TRAK1: variants seen among roughly 807,000 people sequenced by gnomAD.
TRAK1 encodes trafficking kinesin protein 1.
Under a neutral mutation model 92.1 loss-of-function variants are expected in TRAK1, and 33 were observed. That is an observed-to-expected ratio of 0.36 (90% CI 0.27 to 0.48). The LOEUF (loss-of-function observed/expected upper bound fraction) is 0.48. Among genes scored for constraint, TRAK1 ranks in the 20% least tolerant of loss-of-function variants. The pLI, the probability that TRAK1 is intolerant of heterozygous loss-of-function variation, is 0.99. For missense variants in TRAK1, 1,123 were observed against 1,257.9 expected (o/e 0.89, Z 1.62); for synonymous variants, 521 against 517.3 (o/e 1.01, Z -0.10).
Position 42,223,980 on chromosome 3 carries a change from C to G in TRAK1, c.*243C>G. On this transcript the variant is annotated 3_prime_UTR_variant, in exon 16 of 16. Transcript: ENST00000327628. This position sits in a 1 kb window ranked among gnomAD's most constrained non-coding sequence, Gnocchi z 6.1. Reference sequence around the variant, plus strand: ...TCTTCCGATCCCACAGGAAGTGCCCCTGCACTGTCATCACTCTCACGAGGA... The same window carrying G: ...TCTTCCGATCCCACAGGAAGTGCCCGTGCACTGTCATCACTCTCACGAGGA... 1.5e-6 allele frequency: 1 copy of G among 646,342 alleles called. No homozygotes were observed. Among genetic ancestry groups the G allele is most frequent in the South Asian group, 1.5e-5 (1 of 64,876 alleles). 40.0% of individuals were successfully genotyped at this position (646,342 alleles called of 1,614,324 possible).
intron 2 of TRAK1, among the ~76,000 whole-genome samples, chr3:42,174,912 A>C (rs1268078903): frequency 2.0e-5 from 3 of 151,786 alleles, no homozygotes; most frequent in African/African-American, 7.3e-5. Flanking sequence ...TCTACACATG[A>C]CTGACTATCT....
chr3:42,185,973 C>CTTTTTTTTTTT (rs1054954407), intron 4 of TRAK1, among the ~76,000 whole-genome samples: 2 of 83,976 alleles, frequency 2.4e-5, no homozygotes, highest in African/African-American at 5.4e-5. Context: ...TGTGCCCAGC[C>CTTTTTTTTTTT]TTTTTTTTTT....
chr3:42,210,189 C>A, intron 14 of TRAK1: 1 of 1,574,950 alleles, frequency 6.3e-7, no homozygotes, highest in Admixed American at 1.8e-5. Context: ...TTGGGCCATT[C>A]TCACCTCTGT....
intron 2 of TRAK1, among the ~76,000 whole-genome samples, chr3:42,155,918 A>G (rs1700479161): frequency 6.6e-6 from 1 of 152,224 alleles, no homozygotes; most frequent in Non-Finnish European, 1.5e-5. Flanking sequence ...AGCAGGAGAC[A>G]GAGAATGATG....
chr3:42,210,842 TC>T, intron 14 of TRAK1: 1 of 984,150 alleles, frequency 1.0e-6, no homozygotes, highest in Non-Finnish European at 1.2e-6. Context: ...TCTGGCTGAC[TC>T]CACCCACTGT....
At chr3:42,124,352 C>G (rs982233364) in intron 1 of TRAK1, among the ~76,000 whole-genome samples, 1 of 152,150 alleles carries the variant, frequency 6.6e-6, no homozygotes, top group Admixed American at 6.5e-5. Flanking sequence ...TGCAAATAGG[C>G]TGATACAGTG....
chr3:42,102,708 G>A (rs1011186357), intron 1 of TRAK1, among the ~76,000 whole-genome samples: 7 of 152,178 alleles, frequency 4.6e-5, no homozygotes, highest in African/African-American at 1.7e-4. Context: ...TGTGCATGCG[G>A]GCCCCTAGTC....
chr3:42,114,816 G>A (rs184573029), intron 1 of TRAK1, among the ~76,000 whole-genome samples: 83 of 152,056 alleles, frequency 5.5e-4, no homozygotes, highest in Non-Finnish European at 1.0e-3. Flanking sequence ...GGGTTCAAGC[G>A]ATTTTCATAC....
chr3:42,165,746 G>A (rs943904185), intron 2 of TRAK1, among the ~76,000 whole-genome samples: 2 of 152,098 alleles, frequency 1.3e-5, no homozygotes, highest in Non-Finnish European at 2.9e-5. Context: ...AGTACCTACC[G>A]CAGCACTGTT....
chr3:42,199,128 G>A (rs1707168987), intron 10 of TRAK1, 49 bp from the exon 11 acceptor site: 2 of 1,604,766 alleles, frequency 1.2e-6, no homozygotes, highest in Non-Finnish European at 1.7e-6. Context: ...TAGAGACAGA[G>A]CATTTGAATT....
chr3:42,076,611 T>C (rs1247001215), intron 1 of TRAK1, among the ~76,000 whole-genome samples: 2 of 152,378 alleles, frequency 1.3e-5, no homozygotes, highest in African/African-American at 2.4e-5. Context: ...TTTCTTTTGC[T>C]GTGCAGAAGC....
At chr3:42,113,517 G>A (rs977902752) in intron 1 of TRAK1, among the ~76,000 whole-genome samples, 49 of 151,758 alleles carry the variant, frequency 3.2e-4, no homozygotes, top group Admixed American at 4.6e-4. Context: ...GGGTTCAAGT[G>A]ATCCTCCTGC....
chr3:42,030,689 A>AATATATATATATATAT (rs57651073), intron 1 of TRAK1, among the ~76,000 whole-genome samples: 3 of 97,718 alleles, frequency 3.1e-5, no homozygotes, highest in African/African-American at 1.1e-4. Flanking sequence ...AAAAAAAAAG[A>AATATATATATATATAT]ATATATATAT....
chr3:42,163,642 G>A (rs1212585852), intron 2 of TRAK1, among the ~76,000 whole-genome samples: 1 of 152,060 alleles, frequency 6.6e-6, no homozygotes, highest in African/African-American at 2.4e-5. Context: ...ACTGGGGTGG[G>A]ACCAAGCAAG....
chr3:42,219,107 C>T, intron 14 of TRAK1: 1 of 985,360 alleles, frequency 1.0e-6, no homozygotes, highest in Non-Finnish European at 1.2e-6. Context: ...GTTGCCAATG[C>T]AAAGAAATGT....
In TRAK1 at chr3:42,177,966, T is replaced by A. The variant is rs375207447; in HGVS notation, c.363+1076T>A. Among the ~76,000 whole-genome samples, 72 of 152,300 alleles carry A rather than the reference T, an allele frequency of 4.7e-4. No individual in the cohort carries two copies. In the South Asian group the frequency reaches 0.01, roughly 22 times the overall value. On this transcript the variant is annotated intron_variant, in intron 3 of 15. Coordinates refer to ENST00000327628, the MANE Select transcript of TRAK1 (RefSeq NM_001042646.3). ...GGGACCGACCTTCAGCCTTTGGGTG[T>A]CACTCCAGTTGCAGCTGTCTTTGGT... is the stretch of plus-strand genomic sequence containing the variant.
intron 1 of TRAK1, among the ~76,000 whole-genome samples, chr3:42,081,142 G>A (rs1057227354): frequency 6.6e-6 from 1 of 152,164 alleles, no homozygotes; most frequent in African/African-American, 2.4e-5. Flanking sequence ...CTCCCAAAGT[G>A]CTAGGATTAT....
chr3:42,048,603 AC>A (rs1379282246), intron 1 of TRAK1, among the ~76,000 whole-genome samples: 1 of 138,942 alleles, frequency 7.2e-6, no homozygotes, highest in Non-Finnish European at 1.5e-5. Flanking sequence ...TTTGTCTGTC[AC>A]CTAGACTGGA....
chr3:42,114,263 A>G (rs1708874592), intron 1 of TRAK1, among the ~76,000 whole-genome samples: 1 of 152,218 alleles, frequency 6.6e-6, no homozygotes, highest in Non-Finnish European at 1.5e-5. Flanking sequence ...CTGTGCTACT[A>G]AGAACACGGG....
Sources: allele counts gnomAD v4.1 joint callset (sites outside exome capture counted in the v4.1 genomes callset), GRCh38; gene constraint gnomAD v4.1.1; non-coding constraint Gnocchi (gnomAD v3.1); transcripts MANE v1.5; gene names NCBI Gene and HGNC (gene_info 2026-07-23, HGNC 2026-07-21).